PLEKHH2: variants seen among roughly 807,000 people sequenced by gnomAD.
The protein encoded by PLEKHH2 is pleckstrin homology, MyTH4 and FERM domain containing H2.
In PLEKHH2, 129 loss-of-function variants were observed where a neutral mutation model predicts 187.9. The ratio of observed to expected loss-of-function variants is 0.69; its 90% CI spans 0.59 to 0.79. PLEKHH2 has a LOEUF of 0.79. Ranked by LOEUF, PLEKHH2 falls within the 30% of genes least tolerant of loss-of-function variation. The pLI is 0.00. For synonymous variants in PLEKHH2, 686 were observed against 605.6 expected (o/e 1.13, Z -1.95); for missense variants, 2,076 against 1,751.2 (o/e 1.19, Z -3.31).
At chr2:43,671,323 G>C (rs1302650697) in intron 2 of PLEKHH2, among the ~76,000 whole-genome samples, 3 of 151,980 alleles carry the variant, frequency 2.0e-5, no homozygotes, top group Non-Finnish European at 4.4e-5. Flanking sequence ...ACAGATTTTT[G>C]TATATTGACC....
chr2:43,703,959 C>G, intron 8 of PLEKHH2, 22 bp from the exon 9 acceptor site: 1 of 571,356 alleles, frequency 1.8e-6, no homozygotes, highest in South Asian at 2.3e-5. Context: ...ATACCCTGTT[C>G]AAACTCTCTC....
Position 43,767,510 on chromosome 2 carries a change from T to G in PLEKHH2, c.*1912T>G, listed in dbSNP as rs1245184649. ...GAATAAGCAAATTTGTTTTTGAGAA[T>G]AAACTGGTAACCAGTTTGTGATGAC... is the stretch of plus-strand genomic sequence containing the variant. On this transcript the variant is annotated 3_prime_UTR_variant, in exon 30 of 30. Coordinates refer to ENST00000282406, the MANE Select transcript of PLEKHH2 (RefSeq NM_172069.4). 6.6e-6 allele frequency: 1 copy of G among 152,390 alleles called. No individual in the cohort carries two copies. The highest frequency in any genetic ancestry group is 2.4e-5 in the African/African-American group (1 of 41,476). 9.4% of individuals were successfully genotyped at this position (152,390 alleles called of 1,614,324 possible). A position where few individuals can be genotyped will look rare whatever the true frequency, so the allele number is the denominator to read the frequency against.
chr2:43,678,427 A>G (rs920568378), intron 2 of PLEKHH2, among the ~76,000 whole-genome samples: 1 of 152,212 alleles, frequency 6.6e-6, no homozygotes, highest in Non-Finnish European at 1.5e-5. Flanking sequence ...ACCATTGAGC[A>G]CTGAGTGAAC....
chr2:43,731,349 G>C (rs1273651282), intron 18 of PLEKHH2, 141 bp from the exon 19 acceptor site: 1 of 582,874 alleles, frequency 1.7e-6, no homozygotes, highest in African/African-American at 2.0e-5. Context: ...AAATAATGTT[G>C]CCAAAGAGTT....
chr2:43,652,991 C>T (rs1428017097), intron 2 of PLEKHH2, among the ~76,000 whole-genome samples: 4 of 151,818 alleles, frequency 2.6e-5, no homozygotes, highest in Non-Finnish European at 2.9e-5. Context: ...GAAATATAAA[C>T]TAAGGGAAAG....
chr2:43,736,722 A>G (rs988413305), intron 19 of PLEKHH2, among the ~76,000 whole-genome samples: 7 of 152,084 alleles, frequency 4.6e-5, no homozygotes, highest in African/African-American at 1.4e-4. Flanking sequence ...TAATCTCACT[A>G]CTTGGGAGGC....
At chr2:43,708,347 A>T (rs1363530128) in intron 11 of PLEKHH2, among the ~76,000 whole-genome samples, 1 of 152,204 alleles carries the variant, frequency 6.6e-6, no homozygotes, top group East Asian at 1.9e-4. Flanking sequence ...ACTCAGCTCC[A>T]GTCTCACTGG....
At chr2:43,710,698 G>C in intron 14 of PLEKHH2, 123 bp downstream of exon 14, 2 of 1,458,498 alleles carry the variant, frequency 1.4e-6, no homozygotes, top group Non-Finnish European at 9.0e-7. Context: ...TGGGGGGTTA[G>C]TTTGATGCCT....
chr2:43,745,842 C>A lies in PLEKHH2; in HGVS notation c.3556-24C>A, dbSNP rs114307975. 3.4e-4 allele frequency: 533 copies of A among 1,546,150 alleles called. No homozygotes were observed. In the African/African-American group the frequency reaches 6.7e-3, roughly 19 times the overall value. On this transcript the variant is annotated intron_variant, in intron 23 of 29. Coordinates refer to ENST00000282406, the MANE Select transcript of PLEKHH2 (RefSeq NM_172069.4). ...TGTTGATTTGAAAAGTACTGTAAAT[C>A]TCAGTTTTCCACTTCCTTTCTAGAT...
chr2:43,714,393 C>T (rs903188078), intron 15 of PLEKHH2, among the ~76,000 whole-genome samples: 1 of 152,138 alleles, frequency 6.6e-6, no homozygotes, highest in Non-Finnish European at 1.5e-5. Context: ...TTCCTTCCTG[C>T]CATTTGTGCT....
At chr2:43,751,315 G>A (rs1672000495) in intron 24 of PLEKHH2, among the ~76,000 whole-genome samples, 4 of 152,212 alleles carry the variant, frequency 2.6e-5, no homozygotes, top group Admixed American at 2.6e-4. Context: ...GAGAACAATT[G>A]CAGTTTTAGT....
At chr2:43,735,125 G>T (rs959931336) in intron 19 of PLEKHH2, among the ~76,000 whole-genome samples, 1 of 152,218 alleles carries the variant, frequency 6.6e-6, no homozygotes, top group Non-Finnish European at 1.5e-5. Context: ...GGGAGGTGGA[G>T]GTTGTAGTGA....
chr2:43,711,813 G>T, intron 14 of PLEKHH2: 1 of 495,964 alleles, frequency 2.0e-6, no homozygotes, highest in South Asian at 6.7e-5. Flanking sequence ...AGAATGGTGT[G>T]AACCCAGGAG....
chr2:43,704,182 G>A (rs4953003), intron 9 of PLEKHH2, 126 bp downstream of exon 9: 313,443 of 617,748 alleles, frequency 0.51, 83,406 homozygotes, highest in African/African-American at 0.67. Flanking sequence ...TAAAGGAGGT[G>A]TTTAAAGGGT....
intron 19 of PLEKHH2, among the ~76,000 whole-genome samples, chr2:43,733,987 C>G (rs549047448): frequency 1.3e-5 from 2 of 152,114 alleles, no homozygotes; most frequent in Non-Finnish European, 2.9e-5. Flanking sequence ...AAATGAAAAT[C>G]TAAACAGAGG....
chr2:43,681,249 C>T, intron 3 of PLEKHH2: 1 of 660,146 alleles, frequency 1.5e-6, no homozygotes. Flanking sequence ...TTTCCAATTA[C>T]AATCCTCCTG....
intron 7 of PLEKHH2, 84 bp from the exon 8 acceptor site, chr2:43,699,563 C>G: frequency 2.7e-6 from 4 of 1,475,962 alleles, no homozygotes; most frequent in Non-Finnish European, 3.7e-6. Context: ...GTGTCAATTT[C>G]TACAGTGTAG....
chr2:43,645,953 C>G (rs576913412), intron 2 of PLEKHH2, among the ~76,000 whole-genome samples: 1 of 152,158 alleles, frequency 6.6e-6, no homozygotes, highest in South Asian at 2.1e-4. Flanking sequence ...CATTGCTAGC[C>G]AAGAATCTCT....
At chr2:43,712,983 T>C (rs1408791406) in intron 15 of PLEKHH2, among the ~76,000 whole-genome samples, 1 of 151,816 alleles carries the variant, frequency 6.6e-6, no homozygotes, top group Non-Finnish European at 1.5e-5. Context: ...ACATAGGCAG[T>C]AGAAAAAAAA....
Sources: gnomAD v4.1 joint callset for allele counts (sites outside exome capture counted in the v4.1 genomes callset) on GRCh38, gnomAD v4.1.1 for gene constraint, MANE v1.5 for transcripts, NCBI Gene and HGNC (gene_info 2026-07-23, HGNC 2026-07-21) for gene names.